VPS13B: variants seen among roughly 807,000 people sequenced by gnomAD.
VPS13B encodes the protein intermembrane lipid transfer protein VPS13B.
A neutral mutation model predicts 426.4 loss-of-function variants in VPS13B; 285 were observed. The ratio of observed to expected loss-of-function variants is 0.67; its 90% CI spans 0.61 to 0.74. VPS13B has a LOEUF of 0.74. Ranked by LOEUF, VPS13B falls within the 30% of genes least tolerant of loss-of-function variation. The probability of loss-of-function intolerance (pLI) is 0.00; values close to 1 mark genes in which losing one functional copy is unlikely to be tolerated. For synonymous variants in VPS13B, 1,676 were observed against 1,676.4 expected, an observed-to-expected ratio of 1.00 and a Z score of 0.01; for missense variants, 4,537 against 4,782.6, an observed-to-expected ratio of 0.95 and a Z score of 1.51.
intron 33 of VPS13B, among the ~76,000 whole-genome samples, chr8:99,599,742 G>T (rs1827195775): frequency 6.6e-6 from 1 of 152,054 alleles, no homozygotes; most frequent in Non-Finnish European, 1.5e-5. Flanking sequence ...CACAGCAAAT[G>T]ACTTAAAATC....
chr8:99,185,854 A>G (rs942488327), intron 16 of VPS13B, among the ~76,000 whole-genome samples: 2 of 152,154 alleles, frequency 1.3e-5, no homozygotes, highest in Non-Finnish European at 2.9e-5. Context: ...CTGAAATTTC[A>G]TCAGCTCTCT....
rs540152539 is a variant in VPS13B at position 99,143,055 on chromosome 8, T to C, written c.1733T>C (p.Val578Ala). ...TVQEKSTKSL[V>A]IGPLDFRLDS... Reference sequence around the variant, plus strand: ...CAGGAGAAGTCCACCAAAAGCCTTGTTATAGGTCCTCTTGATTTTCGTTTG... The same window carrying C: ...CAGGAGAAGTCCACCAAAAGCCTTGCTATAGGTCCTCTTGATTTTCGTTTG... Residue 578 changes from valine to alanine, a missense_variant, in exon 13 of 62, where the codon GTT (valine) becomes GCT (alanine). Val to Ala is a moderately conservative substitution (Grantham distance 64, BLOSUM62 0). Coordinates refer to ENST00000357162, the MANE Select transcript of VPS13B (RefSeq NM_152564.5). The C allele has an allele frequency of 6.2e-7, 1 of 1,614,040 alleles. No homozygotes were observed. The highest frequency in any genetic ancestry group is 1.3e-5 in the African/African-American group (1 of 75,054).
intron 15 of VPS13B, among the ~76,000 whole-genome samples, chr8:99,165,447 A>G (rs1457561727): frequency 6.6e-6 from 1 of 152,182 alleles, no homozygotes; most frequent in African/African-American, 2.4e-5. Flanking sequence ...AAGGCATCTG[A>G]TATTTGAAAC....
chr8:99,431,418 T>C, intron 21 of VPS13B, 119 bp from the exon 22 acceptor site: 1 of 1,278,098 alleles, frequency 7.8e-7, no homozygotes, highest in South Asian at 1.3e-5. Flanking sequence ...CAATTCATAA[T>C]CTCATATAAA....
At chr8:99,553,582 T>C (rs1289761848) in intron 30 of VPS13B, among the ~76,000 whole-genome samples, 1 of 152,096 alleles carries the variant, frequency 6.6e-6, no homozygotes, top group African/African-American at 2.4e-5. Flanking sequence ...ATTTTATTTA[T>C]CTTTATAATA....
At chr8:99,805,459 T>C (rs1189154216) in intron 43 of VPS13B, among the ~76,000 whole-genome samples, 1 of 152,220 alleles carries the variant, frequency 6.6e-6, no homozygotes, top group East Asian at 1.9e-4. Flanking sequence ...TTTTCCTAGA[T>C]TTTATCTTAT....
At chr8:99,173,258 T>A (rs370282222) in intron 16 of VPS13B, among the ~76,000 whole-genome samples, 10 of 152,138 alleles carry the variant, frequency 6.6e-5, no homozygotes, top group Admixed American at 2.6e-4. Flanking sequence ...GTGGTATTGA[T>A]GTGGTGTGTG....
intron 17 of VPS13B, among the ~76,000 whole-genome samples, chr8:99,260,716 G>A (rs1446634419): frequency 2.0e-5 from 3 of 151,914 alleles, no homozygotes; most frequent in Non-Finnish European, 2.9e-5. Flanking sequence ...TCTAGCCAAT[G>A]TGAGTTATTG....
intron 35 of VPS13B, chr8:99,696,805 C>T: frequency 7.1e-7 from 1 of 1,399,918 alleles, no homozygotes. Flanking sequence ...ATGAGCTGAC[C>T]CTGGACAACC....
chr8:99,495,842 A>G (rs1820854204), intron 25 of VPS13B, among the ~76,000 whole-genome samples: 1 of 152,102 alleles, frequency 6.6e-6, no homozygotes, highest in Non-Finnish European at 1.5e-5. Flanking sequence ...TTCTTAGCTT[A>G]TTAATATTCA....
intron 17 of VPS13B, among the ~76,000 whole-genome samples, chr8:99,225,342 C>T (rs1296294897): frequency 6.6e-6 from 1 of 151,774 alleles, no homozygotes; most frequent in East Asian, 1.9e-4. Context: ...TGCAGTGGCG[C>T]GATCTCAGCT....
chr8:99,050,497 G>C (rs893319868), intron 3 of VPS13B, among the ~76,000 whole-genome samples: 20 of 152,100 alleles, frequency 1.3e-4, no homozygotes, highest in Admixed American at 6.6e-5. Flanking sequence ...ATAAACATAC[G>C]TGTGCATGTG....
rs137999109 is a variant in VPS13B at position 99,754,739 on chromosome 8, T to A, written c.7051-12035T>A. Among the ~76,000 whole-genome samples, 961 of 152,326 alleles carry A rather than the reference T, an allele frequency of 6.3e-3. 8 individuals carry two copies. The highest frequency in any genetic ancestry group is 0.022 in the African/African-American group (903 of 41,576). On this transcript the variant is annotated intron_variant, in intron 39 of 61. Transcript: ENST00000357162. ...GGGAATATATTTGGTTTTATCACCA[T>A]CTTAACATTGTATAAGTGCAGTATA... is the stretch of plus-strand genomic sequence containing the variant.
intron 3 of VPS13B, among the ~76,000 whole-genome samples, chr8:99,074,463 G>A (rs566787914): frequency 4.5e-4 from 67 of 149,486 alleles, no homozygotes; most frequent in Admixed American, 4.0e-3. Context: ...AGCCGAGATC[G>A]CACCACTGCA....
chr8:99,591,029 G>A (rs1173940977), intron 33 of VPS13B, among the ~76,000 whole-genome samples: 1 of 151,964 alleles, frequency 6.6e-6, no homozygotes, highest in South Asian at 2.1e-4. Context: ...CATGTGTTGG[G>A]TGTATATATA....
At chr8:99,583,073 A>G (rs894550906) in intron 33 of VPS13B, among the ~76,000 whole-genome samples, 1 of 152,198 alleles carries the variant, frequency 6.6e-6, no homozygotes, top group African/African-American at 2.4e-5. Context: ...TTAATTTTTC[A>G]CACTGTAAAA....
chr8:99,172,189 T>C (rs1244456499), intron 16 of VPS13B, among the ~76,000 whole-genome samples: 3 of 152,224 alleles, frequency 2.0e-5, no homozygotes, highest in East Asian at 3.8e-4. Context: ...AACTAAAATA[T>C]AGTCTCAAAT....
chr8:99,504,074 A>G (rs1821374666), intron 27 of VPS13B, among the ~76,000 whole-genome samples: 1 of 152,086 alleles, frequency 6.6e-6, no homozygotes, highest in African/African-American at 2.4e-5. Flanking sequence ...GTCATAGGGG[A>G]GGATCTCTCA....
intron 25 of VPS13B, among the ~76,000 whole-genome samples, chr8:99,482,938 A>G (rs973219334): frequency 3.3e-5 from 5 of 152,102 alleles, no homozygotes; most frequent in African/African-American, 9.7e-5. Flanking sequence ...TGCTTAGAGA[A>G]CAGAACTTTC....
Sources: allele counts gnomAD v4.1 joint callset (sites outside exome capture counted in the v4.1 genomes callset), GRCh38; gene constraint gnomAD v4.1.1; transcripts MANE v1.5; gene names NCBI Gene and HGNC (gene_info 2026-07-23, HGNC 2026-07-21).